The following CREBBP variants were observed in gnomAD, a reference collection of about 807,000 sequenced individuals.
CREBBP encodes CREB binding lysine acetyltransferase.
Under a neutral mutation model 265.0 loss-of-function variants are expected in CREBBP, and 19 were observed. The ratio of observed to expected loss-of-function variants is 0.07; its 90% confidence interval spans 0.05 to 0.11. The LOEUF is 0.11. Ranked by LOEUF, CREBBP falls within the 10% of genes least tolerant of loss-of-function variation. The probability of loss-of-function intolerance (pLI) is 1.00; values close to 1 mark genes in which losing one functional copy is unlikely to be tolerated. For missense variants in CREBBP, 2,525 were observed against 3,219.0 expected (o/e 0.78, Z 5.22); for synonymous variants, 1,457 against 1,223.7 (o/e 1.19, Z -3.98).
intron 3 of CREBBP, among the ~76,000 whole-genome samples, chr16:3,810,357 T>C (rs2053913603): frequency 6.6e-6 from 1 of 152,190 alleles, no homozygotes; most frequent in African/African-American, 2.4e-5. Flanking sequence ...TGCACGTGAA[T>C]TCTCTCCATC....
chr16:3,736,906 C>CGCT, intron 26 of CREBBP, 91 bp from the exon 27 acceptor site: 1 of 1,493,074 alleles, frequency 6.7e-7, no homozygotes, highest in Non-Finnish European at 9.3e-7. Context: ...AGGACTAAAG[C>CGCT]CAGGACAGAA....
chr16:3,751,148 G>C (rs1168842826), intron 20 of CREBBP, among the ~76,000 whole-genome samples: 4 of 152,160 alleles, frequency 2.6e-5, no homozygotes, highest in Non-Finnish European at 4.4e-5. Context: ...ACAGACCAAG[G>C]TCAAGAGAGA....
chr16:3,807,697 C>G (rs1335032294), intron 3 of CREBBP, among the ~76,000 whole-genome samples: 2 of 152,174 alleles, frequency 1.3e-5, no homozygotes, highest in Non-Finnish European at 2.9e-5. Flanking sequence ...AGAGTCTCAA[C>G]TTGCTCAGCT....
At chr16:3,849,445 G>GACCT (rs2054766901) in intron 2 of CREBBP, among the ~76,000 whole-genome samples, 1 of 24,188 alleles carries the variant, frequency 4.1e-5, no homozygotes, top group African/African-American at 7.1e-5. Flanking sequence ...GTGTGTGTGT[G>GACCT]TGTGTGTGTG....
intron 3 of CREBBP, among the ~76,000 whole-genome samples, chr16:3,805,756 A>G (rs1038548498): frequency 3.3e-5 from 5 of 152,250 alleles, no homozygotes; most frequent in Non-Finnish European, 7.3e-5. Flanking sequence ...ACAGTGGGAC[A>G]GCTGGTCACA....
Position 3,758,025 on chromosome 16 carries a change from A to T in CREBBP, c.3393T>A (p.Asn1131Lys), listed in dbSNP as rs1131691779. The T allele has an allele frequency of 1.2e-6, 2 of 1,612,096 alleles. No individual in the cohort carries two copies. The highest frequency in any genetic ancestry group is 1.7e-6 in the Non-Finnish European group (2 of 1,179,720). Residue 1131 changes from asparagine (N) to lysine (K), a missense_variant, in exon 18 of 31, where the codon AAT becomes AAA. This residue lies in a region of CREBBP where 252 missense variants were observed against 452.5 expected (regional missense o/e 0.56). Coordinates refer to ENST00000262367, the MANE Select transcript of CREBBP (RefSeq NM_004380.3). ...GCTTGATGGTGGAGAGGTCCATGGG[A>T]TTCTTTACGATGTCAAAATAGTCCT... The part of the protein sequence containing the change: ...GIPDYFDIVK[N>K]PMDLSTIKRK...
intron 1 of CREBBP, among the ~76,000 whole-genome samples, chr16:3,856,735 C>A (rs1381093150): frequency 6.6e-6 from 1 of 152,204 alleles, no homozygotes; most frequent in Non-Finnish European, 1.5e-5. Flanking sequence ...TCCTTTCTGT[C>A]CAGGGCGAGG....
intron 3 of CREBBP, among the ~76,000 whole-genome samples, chr16:3,795,871 A>G (rs985706418): frequency 9.9e-5 from 15 of 152,228 alleles, no homozygotes; most frequent in African/African-American, 3.4e-4. Flanking sequence ...AAAGGATATC[A>G]TCCTTACACC....
Position 3,729,069 on chromosome 16 carries a change from CTCCCCGGGG to C in CREBBP, c.5969_5977del (p.Thr1990_Gly1992del), listed in dbSNP as rs777318563. ...ATTCAGGCTCACGGGGGCCATCTGGCTCCCCGGGGTCCCCATGCCCGTGCGTCCTGGGGG... is the reference window on the plus strand; with the variant it reads ...ATTCAGGCTCACGGGGGCCATCTGGCTCCCCATGCCCGTGCGTCCTGGGGG... On this transcript the variant is annotated inframe_deletion, in exon 31 of 31. Transcript: ENST00000262367. 3.0e-5 allele frequency: 47 copies of C among 1,584,226 alleles called. No individual in the cohort carries two copies. The African/African-American group carries it at 3.9e-4, about 13-fold the overall frequency.
chr16:3,851,445 A>C (rs2054834912), intron 1 of CREBBP, among the ~76,000 whole-genome samples: 1 of 152,146 alleles, frequency 6.6e-6, no homozygotes, highest in African/African-American at 2.4e-5. Context: ...TATTTATCAT[A>C]TTCTAAAACA....
rs376611523 is a variant in CREBBP at position 3,774,984 on chromosome 16, C to T, written c.2159-291G>A. On this transcript the variant is annotated intron_variant, in intron 11 of 30. Transcript: ENST00000262367. ...AGACAGGAACAAGTGAGACATTAAA[C>T]GAGGCTGTGGTAGAGCTGAGCCAGA... Among the ~76,000 whole-genome samples the T allele has an allele frequency of 1.4e-3, 216 of 152,168 alleles. 5 individuals carry two copies. The South Asian group carries it at 0.017, about 12-fold the overall frequency.
chr16:3,767,947 A>T, intron 15 of CREBBP, 38 bp from the exon 16 acceptor site: 2 of 1,601,752 alleles, frequency 1.2e-6, no homozygotes, highest in Non-Finnish European at 1.7e-6. Context: ...TGAATATCAA[A>T]CACCTTTATG....
At chr16:3,771,065 A>G (rs1405477498) in intron 13 of CREBBP, 79 bp from the exon 14 acceptor site, 2 of 1,558,040 alleles carry the variant, frequency 1.3e-6, no homozygotes, top group Non-Finnish European at 1.7e-6. Context: ...AATTAAATGT[A>G]TGAAAAAAAA....
intron 16 of CREBBP, among the ~76,000 whole-genome samples, chr16:3,762,561 T>A (rs1309335376): frequency 6.6e-6 from 1 of 151,550 alleles, no homozygotes; most frequent in African/African-American, 2.4e-5. Flanking sequence ...AAGTCAGGAG[T>A]GTATGTGAAC....
In CREBBP at chr16:3,729,194, G is replaced by A. The variant is rs2151307743; in HGVS notation, c.5853C>T (p.Pro1951=). ...GAGCCGCTTCCACCGCTGCAGGAGG[G>A]GGCTGGGCCGGGGGTGGGGGGGCCG... The part of the protein sequence containing the change: ...QVPAPPPPAQ[P]PPAAVEAARQ... Residue 1951 remains proline, a synonymous_variant, in exon 31 of 31, where the codon CCC becomes CCT. Coordinates refer to ENST00000262367, the MANE Select transcript of CREBBP (RefSeq NM_004380.3). The A allele has an allele frequency of 6.5e-7, 1 of 1,533,210 alleles. No individual in the cohort carries two copies. Among genetic ancestry groups the A allele is most frequent in the Non-Finnish European group, 8.7e-7 (1 of 1,145,658 alleles). The allele number at this position is 1,533,210 out of a possible 1,614,324, so 95.0% of individuals were successfully genotyped here.
intron 2 of CREBBP, among the ~76,000 whole-genome samples, chr16:3,849,437 GT>G (rs34740427): frequency 0.036 from 594 of 16,338 alleles, 6 homozygotes; most frequent in East Asian, 0.098. Context: ...GTGTGTGTGT[GT>G]GTGTGTGTGT....
At position 3,823,594 on chromosome 16, in the gene CREBBP, T is replaced by C. The variant is rs981881433; in HGVS notation, c.799-12815A>G. Among the ~76,000 whole-genome samples the C allele has an allele frequency of 4.6e-5, 7 of 152,096 alleles. No homozygotes were observed. The South Asian group carries it at 6.2e-4, about 14-fold the overall frequency. Reference sequence around the variant, plus strand: ...AAAAGCCAGGCGTGGCTCTAACAGCTTCTGCTTTTTCTCCTCAGACATCCC... The same window carrying C: ...AAAAGCCAGGCGTGGCTCTAACAGCCTCTGCTTTTTCTCCTCAGACATCCC... On this transcript the variant is annotated intron_variant, in intron 2 of 30. Coordinates refer to ENST00000262367, the MANE Select transcript of CREBBP (RefSeq NM_004380.3).
intron 2 of CREBBP, among the ~76,000 whole-genome samples, chr16:3,848,194 CAT>C (rs1223497572): frequency 6.6e-6 from 1 of 151,470 alleles, no homozygotes; most frequent in African/African-American, 2.4e-5. Flanking sequence ...AAAATTACAA[CAT>C]ATGAGACCAC....
intron 21 of CREBBP, chr16:3,745,634 G>C (rs146045796): frequency 7.0e-4 from 340 of 486,068 alleles, no homozygotes; most frequent in African/African-American, 5.8e-3. Flanking sequence ...TTTAAAAATT[G>C]CTGCGACAAA....
Sources: gnomAD v4.1 joint callset for allele counts (sites outside exome capture counted in the v4.1 genomes callset) on GRCh38, gnomAD v4.1.1 for gene constraint, gnomAD v4.1.1 regional missense constraint, MANE v1.5 for transcripts, NCBI Gene and HGNC (gene_info 2026-07-23, HGNC 2026-07-21) for gene names.